The following KCNAB1 variants were observed in gnomAD, a reference collection of about 807,000 sequenced individuals.
KCNAB1 encodes potassium voltage-gated channel subfamily A regulatory beta subunit 1, also known as voltage-gated potassium channel subunit beta-1.
A neutral mutation model predicts 64.6 loss-of-function variants in KCNAB1; 35 were observed. The ratio of observed to expected loss-of-function variants is 0.54; its 90% CI spans 0.41 to 0.72. The LOEUF (loss-of-function observed/expected upper bound fraction) is 0.72, where lower values mean the gene tolerates loss of function less well. KCNAB1 is among the 30% of genes least tolerant of loss of function. The pLI, the probability that KCNAB1 is intolerant of heterozygous loss-of-function variation, is 0.00. For synonymous variants in KCNAB1, 177 were observed against 183.8 expected (o/e 0.96, Z 0.30); for missense variants, 401 against 512.9 (o/e 0.78, Z 2.11).
intron 1 of KCNAB1, among the ~76,000 whole-genome samples, chr3:156,253,876 G>A (rs772358109): frequency 6.6e-6 from 1 of 152,156 alleles, no homozygotes. Context: ...GAGAACCATC[G>A]GTCTAAACCA....
chr3:156,435,102 G>A (rs961427389), intron 2 of KCNAB1, among the ~76,000 whole-genome samples: 2 of 152,212 alleles, frequency 1.3e-5, no homozygotes, highest in African/African-American at 2.4e-5. Context: ...TGAGAGTGAG[G>A]GAGATGGGGT....
chr3:156,208,187 T>C (rs1714782033), intron 1 of KCNAB1, among the ~76,000 whole-genome samples: 1 of 152,180 alleles, frequency 6.6e-6, no homozygotes, highest in Non-Finnish European at 1.5e-5. Flanking sequence ...TCCTGCATCC[T>C]AGTTTGGGAA....
At chr3:156,143,444 C>T in intron 1 of KCNAB1, 2 of 1,495,484 alleles carry the variant, frequency 1.3e-6, no homozygotes, top group Non-Finnish European at 1.8e-6. Flanking sequence ...CAAAGTCATC[C>T]AACCAGGGCA....
intron 4 of KCNAB1, among the ~76,000 whole-genome samples, 192 bp downstream of exon 4, chr3:156,457,724 C>G (rs1397372381): frequency 6.6e-6 from 1 of 152,156 alleles, no homozygotes; most frequent in African/African-American, 2.4e-5. Flanking sequence ...TCTGCTCACC[C>G]AAACCTTCCT....
At chr3:156,368,180 A>C (rs1726067380) in intron 1 of KCNAB1, among the ~76,000 whole-genome samples, 1 of 152,218 alleles carries the variant, frequency 6.6e-6, no homozygotes, top group African/African-American at 2.4e-5. Flanking sequence ...TACATTGGGC[A>C]TACTTATATT....
intron 1 of KCNAB1, among the ~76,000 whole-genome samples, chr3:156,281,616 G>A (rs1335431882): frequency 1.3e-5 from 2 of 152,130 alleles, no homozygotes; most frequent in Non-Finnish European, 2.9e-5. Context: ...TGATTGGTAA[G>A]CTATTGATTA....
At chr3:156,224,678 TAG>T (rs1428396724) in intron 1 of KCNAB1, among the ~76,000 whole-genome samples, 1 of 152,170 alleles carries the variant, frequency 6.6e-6, no homozygotes, top group South Asian at 2.1e-4. Flanking sequence ...GATAGACCAT[TAG>T]AGAGATTAAC....
intron 1 of KCNAB1, among the ~76,000 whole-genome samples, chr3:156,137,656 C>A (rs2108273835): frequency 6.6e-6 from 1 of 151,958 alleles, no homozygotes; most frequent in Middle Eastern, 3.4e-3. Context: ...AGCAATACTC[C>A]TGCCTCAGCC....
At position 156,523,298 on chromosome 3, in the gene KCNAB1, C is replaced by A. The variant is rs1196391726; in HGVS notation, c.961-529C>A. Among the ~76,000 whole-genome samples, 4 of 152,202 alleles carry A rather than the reference C, an allele frequency of 2.6e-5. No individual in the cohort carries two copies. In the East Asian group the frequency reaches 7.7e-4, roughly 29 times the overall value. ...TCTAGGAAGAAGCTGCAGAAGCTAA[C>A]AACAAAGCCCCATTATAAAAAGAAT... On this transcript the variant is annotated intron_variant, in intron 11 of 13. Transcript: ENST00000490337.
intron 1 of KCNAB1, among the ~76,000 whole-genome samples, chr3:156,295,932 C>G (rs950883680): frequency 6.6e-6 from 1 of 152,204 alleles, no homozygotes; most frequent in Admixed American, 6.5e-5. Flanking sequence ...TCAGTCTACT[C>G]TGCTATCAAA....
intron 1 of KCNAB1, chr3:156,143,569 G>GTTTTTTGGTTTTTTTTTTTTTTTTTTTT (rs1553807969): frequency 1.4e-5 from 4 of 281,596 alleles, no homozygotes; most frequent in African/African-American, 2.9e-5. Context: ...TTGCATTCTT[G>GTTTTTTGGTTTTTTTTTTTTTTTTTTTT]TTTTTTTTTT....
intron 1 of KCNAB1, among the ~76,000 whole-genome samples, chr3:156,303,000 C>T (rs1721258588): frequency 6.6e-6 from 1 of 152,190 alleles, no homozygotes; most frequent in South Asian, 2.1e-4. Context: ...TAGACCTTAA[C>T]CCTTCCATAA....
At chr3:156,517,960 C>A (rs1717669104) in intron 11 of KCNAB1, among the ~76,000 whole-genome samples, 2 of 152,174 alleles carry the variant, frequency 1.3e-5, no homozygotes, top group Non-Finnish European at 2.9e-5. Flanking sequence ...TCAAAGACAT[C>A]TTTATTTCTC....
At position 156,205,426 on chromosome 3, in the gene KCNAB1, GGTGTAATA is replaced by G. The variant is rs1481000106; in HGVS notation, c.275+84542_275+84549del. Among the ~76,000 whole-genome samples, 3 of 152,114 alleles carry G rather than the reference GGTGTAATA, an allele frequency of 2.0e-5. No individual in the cohort carries two copies. The South Asian group carries it at 6.2e-4, about 32-fold the overall frequency. On this transcript the variant is annotated intron_variant, in intron 1 of 13. Coordinates refer to ENST00000490337, the MANE Select transcript of KCNAB1 (RefSeq NM_172160.3). ...GTGAATTAAGCCAGTGGAAGCTTCAGGTGTAATAGAATTTGATGGCGTTAATAAATATA... is the reference window on the plus strand; with the variant it reads ...GTGAATTAAGCCAGTGGAAGCTTCAGGAATTTGATGGCGTTAATAAATATA...
At chr3:156,264,761 A>T (rs948361409) in intron 1 of KCNAB1, among the ~76,000 whole-genome samples, 2 of 152,178 alleles carry the variant, frequency 1.3e-5, no homozygotes, top group African/African-American at 4.8e-5. Context: ...TTATTTATTC[A>T]TGCAATGGTA....
intron 1 of KCNAB1, among the ~76,000 whole-genome samples, chr3:156,134,100 G>C (rs1468346010): frequency 6.6e-6 from 1 of 152,100 alleles, no homozygotes; most frequent in Non-Finnish European, 1.5e-5. Flanking sequence ...AAGTGTCAAG[G>C]CTTTATTTTA....
chr3:156,514,990 T>C, intron 9 of KCNAB1, 110 bp from the exon 10 acceptor site: 1 of 1,099,330 alleles, frequency 9.1e-7, no homozygotes, highest in Non-Finnish European at 1.2e-6. Context: ...CCTACATGTT[T>C]CTTGGTTTGT....
At chr3:156,481,662 C>T (rs552625087) in intron 8 of KCNAB1, among the ~76,000 whole-genome samples, 2 of 152,154 alleles carry the variant, frequency 1.3e-5, no homozygotes, top group African/African-American at 2.4e-5. Flanking sequence ...TTTAGAAAAT[C>T]TCATGTTTCT....
chr3:156,515,243 CTGAG>C (rs759712267), intron 10 of KCNAB1, 23 bp downstream of exon 10: 2 of 1,587,256 alleles, frequency 1.3e-6, no homozygotes, highest in Middle Eastern at 1.7e-4. Context: ...ATAAAAGCTA[CTGAG>C]TATTTTTAAC....
Sources: gnomAD v4.1 joint callset for allele counts (sites outside exome capture counted in the v4.1 genomes callset) on GRCh38, gnomAD v4.1.1 for gene constraint, MANE v1.5 for transcripts, NCBI Gene and HGNC (gene_info 2026-07-23, HGNC 2026-07-21) for gene names.